The following VAV2 variants were observed in gnomAD, a reference collection of about 807,000 sequenced individuals.
VAV2 encodes the protein guanine nucleotide exchange factor VAV2.
VAV2 carries 67 observed loss-of-function variants against 132.5 expected under a neutral mutation model. That is an observed-to-expected ratio of 0.51 (90% CI 0.42 to 0.62). The LOEUF is 0.62. VAV2 is among the 20% of genes least tolerant of loss of function. The probability of loss-of-function intolerance (pLI) is 0.00; values close to 1 mark genes in which losing one functional copy is unlikely to be tolerated. For synonymous variants in VAV2, 492 were observed against 443.5 expected, an observed-to-expected ratio of 1.11 and a Z score of -1.37; for missense variants, 938 against 1,153.6, an observed-to-expected ratio of 0.81 and a Z score of 2.71.
intron 1 of VAV2, among the ~76,000 whole-genome samples, chr9:133,978,943 G>C (rs1031330874): frequency 6.6e-6 from 1 of 152,252 alleles, no homozygotes; most frequent in Non-Finnish European, 1.5e-5. Context: ...GGTGAAGAAG[G>C]GGGCTCATCA....
chr9:133,820,449 A>G (rs10993814), intron 4 of VAV2, among the ~76,000 whole-genome samples: 29,936 of 150,302 alleles, frequency 0.2, 3,585 homozygotes, highest in African/African-American at 0.33. Flanking sequence ...TCAGCCTCCC[A>G]AGTAGCTGGG....
intron 1 of VAV2, among the ~76,000 whole-genome samples, chr9:133,985,835 A>T (rs145229464): frequency 4.5e-4 from 69 of 152,320 alleles, no homozygotes; most frequent in African/African-American, 1.6e-3. Flanking sequence ...CAAACCTGAG[A>T]CTATGTGAGC....
At chr9:133,974,371 C>A (rs1356311704) in intron 1 of VAV2, among the ~76,000 whole-genome samples, 1 of 152,208 alleles carries the variant, frequency 6.6e-6, no homozygotes, top group South Asian at 2.1e-4. Context: ...AACCTCCAGC[C>A]TCCCCTTGAG....
chr9:133,914,241 T>C (rs1306138868), intron 2 of VAV2, among the ~76,000 whole-genome samples: 2 of 152,018 alleles, frequency 1.3e-5, no homozygotes, highest in Admixed American at 1.3e-4. Context: ...AGAATTACCG[T>C]GAAGCCCAGC....
intron 20 of VAV2, 63 bp downstream of exon 20, chr9:133,780,631 T>C: frequency 8.4e-7 from 1 of 1,186,046 alleles, no homozygotes; most frequent in Non-Finnish European, 1.1e-6. Context: ...TCTTTCTGGC[T>C]CTGCGCACAC....
In VAV2 at chr9:133,839,637, G is replaced by C. The variant is rs559236040; in HGVS notation, c.381-5297C>G. The stretch of plus-strand genomic sequence containing the variant: ...GCTAATTTTTTGTATTTTTAGTAGA[G>C]ACAGGGTTTCACTATGGTGGCCATG... On this transcript the variant is annotated intron_variant, in intron 3 of 29. Coordinates refer to ENST00000371850, the MANE Select transcript of VAV2 (RefSeq NM_001134398.2). 7.8e-4 allele frequency among the ~76,000 whole-genome samples: 119 copies of C among 152,110 alleles called. 1 individual carries two copies. Among genetic ancestry groups the C allele is most frequent in the African/African-American group, 2.8e-3 (117 of 41,456 alleles).
intron 1 of VAV2, among the ~76,000 whole-genome samples, chr9:133,950,965 C>G (rs960305342): frequency 1.3e-5 from 2 of 152,220 alleles, no homozygotes; most frequent in Non-Finnish European, 2.9e-5. Flanking sequence ...CGTTCCCCCA[C>G]CACCCACTAA....
At chr9:133,940,219 G>A (rs1588145969) in intron 1 of VAV2, among the ~76,000 whole-genome samples, 1 of 152,148 alleles carries the variant, frequency 6.6e-6, no homozygotes, top group East Asian at 1.9e-4. Flanking sequence ...ACCAGAGTGG[G>A]CACTGGGGTG....
chr9:133,827,157 C>T lies in VAV2; in HGVS notation c.449+7115G>A, dbSNP rs185048516. Among the ~76,000 whole-genome samples the T allele has an allele frequency of 3.7e-3, 563 of 151,834 alleles. 5 individuals are homozygous for T. Among genetic ancestry groups the T allele is most frequent in the African/African-American group, 0.013 (517 of 41,162 alleles). ...GCTTCTTGAAGCTGGAAGGAAGAAG[C>T]CAATGTGCCACCTACCGCTGCGCCC... On this transcript the variant is annotated intron_variant, in intron 4 of 29. Transcript: ENST00000371850.
chr9:133,988,189 AG>A (rs1463512455), intron 1 of VAV2, among the ~76,000 whole-genome samples: 1 of 152,092 alleles, frequency 6.6e-6, no homozygotes, highest in Non-Finnish European at 1.5e-5. Flanking sequence ...TGTGCGCTCG[AG>A]GGGCCCTGCA....
chr9:133,772,789 C>G (rs535231480), intron 25 of VAV2, among the ~76,000 whole-genome samples: 1 of 152,318 alleles, frequency 6.6e-6, no homozygotes, highest in South Asian at 2.1e-4. Context: ...CAGGCAGGTG[C>G]TTCCATCACT....
intron 4 of VAV2, among the ~76,000 whole-genome samples, chr9:133,818,191 C>CT (rs1346503738): frequency 2.0e-5 from 3 of 151,728 alleles, no homozygotes; most frequent in Non-Finnish European, 2.9e-5. Context: ...GATGAAAACC[C>CT]GTCTCTACTA....
Position 133,879,054 on chromosome 9 carries a change from G to A in VAV2, c.322-17622C>T, listed in dbSNP as rs1838383199. 1.3e-5 allele frequency among the ~76,000 whole-genome samples: 2 copies of A among 152,264 alleles called. No individual in the cohort carries two copies. The highest frequency in any genetic ancestry group is 6.5e-5 in the Admixed American group (1 of 15,310). ...TCCCCCCGTTCCCCAGGCATCATCC[G>A]CCCCCATCCCAGGCATCCTGTGACA... On this transcript the variant is annotated intron_variant, in intron 2 of 29. Coordinates refer to ENST00000371850, the MANE Select transcript of VAV2 (RefSeq NM_001134398.2). The surrounding 1 kb of genome is among the most constrained non-coding windows in gnomAD (Gnocchi z 4.4).
chr9:133,888,663 G>A (rs1016909039), intron 2 of VAV2, among the ~76,000 whole-genome samples: 1 of 152,200 alleles, frequency 6.6e-6, no homozygotes, highest in African/African-American at 2.4e-5. Flanking sequence ...GACACGATAA[G>A]ACCAACGTCC....
intron 26 of VAV2, among the ~76,000 whole-genome samples, chr9:133,771,726 C>T (rs1833634393): frequency 6.6e-6 from 1 of 152,192 alleles, no homozygotes; most frequent in African/African-American, 2.4e-5. Flanking sequence ...CACCCCTGCA[C>T]TGTTTACCAG....
rs1843000727 is a variant in VAV2 at position 133,991,107 on chromosome 9, T to C, written c.204+968A>G. ...GTCCCTCTCCACATGGAGTTGCCAC[T>C]GCGCGCGGTGAGGGGCTGCTGAGCT... is the stretch of plus-strand genomic sequence containing the variant. On this transcript the variant is annotated intron_variant, in intron 1 of 29. Transcript: ENST00000371850. The surrounding 1 kb of genome is among the most constrained non-coding windows in gnomAD (Gnocchi z 4.8). Among the ~76,000 whole-genome samples, 1 of 152,090 alleles carries C rather than the reference T, an allele frequency of 6.6e-6. No homozygotes were observed. Among genetic ancestry groups the C allele is most frequent in the South Asian group, 2.1e-4 (1 of 4,808 alleles).
chr9:133,881,816 T>C (rs901616308), intron 2 of VAV2, among the ~76,000 whole-genome samples: 3 of 152,192 alleles, frequency 2.0e-5, no homozygotes, highest in Non-Finnish European at 4.4e-5. Context: ...AGGCAGCGTG[T>C]GGGGGCGGAA....
intron 2 of VAV2, among the ~76,000 whole-genome samples, chr9:133,937,350 AGTGT>A (rs1024075900): frequency 6.6e-6 from 1 of 151,188 alleles, no homozygotes; most frequent in Non-Finnish European, 1.5e-5. Flanking sequence ...GACGGGTTCA[AGTGT>A]GTGTATGTGT....
rs1473473622 is a variant in VAV2 at position 133,926,763 on chromosome 9, T to C, written c.321+12340A>G. 3.3e-5 allele frequency among the ~76,000 whole-genome samples: 5 copies of C among 152,142 alleles called. No homozygotes were observed. Among genetic ancestry groups the C allele is most frequent in the Non-Finnish European group, 5.9e-5 (4 of 68,028 alleles). On this transcript the variant is annotated intron_variant, in intron 2 of 29. Transcript: ENST00000371850. The surrounding 1 kb of genome is among the most constrained non-coding windows in gnomAD (Gnocchi z 4.3). ...CCAAAGTCCCTGTCACTCTGCACAG[T>C]AGGCAGTGGCCCCTGGCTCCCTGTC...
Sources: gnomAD v4.1 joint callset for allele counts (sites outside exome capture counted in the v4.1 genomes callset) on GRCh38, gnomAD v4.1.1 for gene constraint, Gnocchi (gnomAD v3.1) non-coding constraint, MANE v1.5 for transcripts, NCBI Gene and HGNC (gene_info 2026-07-23, HGNC 2026-07-21) for gene names.